CYP26B1: variants seen among roughly 807,000 people sequenced by gnomAD.
CYP26B1 encodes cytochrome P450 26B1.
Under a neutral mutation model 39.1 loss-of-function variants are expected in CYP26B1, and 8 were observed. That is an observed-to-expected ratio of 0.20 (90% CI 0.12 to 0.37). The LOEUF is 0.37. CYP26B1 is among the 10% of genes least tolerant of loss of function. The pLI is 1.00. For missense variants in CYP26B1, 615 were observed against 707.0 expected (o/e 0.87, Z 1.48); for synonymous variants, 321 against 314.3 (o/e 1.02, Z -0.23).
intron 1 of CYP26B1, among the ~76,000 whole-genome samples, chr2:72,146,447 A>G (rs1677126445): frequency 6.6e-6 from 1 of 152,154 alleles, no homozygotes; most frequent in African/African-American, 2.4e-5. Context: ...CTAATCCGGG[A>G]CGTGGAAAGA....
At position 72,138,998 on chromosome 2, in the gene CYP26B1, A is replaced by G. The variant is rs541219063; in HGVS notation, c.430-3579T>C. ...CCTGCCTCTCACCCCGTGCCCTGGG[A>G]GGGGAGTTGCTCTGTGAACCCCATG... On this transcript the variant is annotated intron_variant, in intron 2 of 5. Transcript: ENST00000001146. Among the ~76,000 whole-genome samples, 479 of 152,254 alleles carry G rather than the reference A, an allele frequency of 3.1e-3. 2 individuals are homozygous for G. The highest frequency in any genetic ancestry group is 0.011 in the African/African-American group (454 of 41,550).
intron 2 of CYP26B1, among the ~76,000 whole-genome samples, chr2:72,137,758 GAGA>G (rs989746909): frequency 2.0e-5 from 3 of 152,194 alleles, no homozygotes; most frequent in Admixed American, 6.5e-5. Flanking sequence ...ACTGGACTGA[GAGA>G]AGGACTCCAA....
In CYP26B1 at chr2:72,132,239, G is replaced by T; in HGVS notation, c.1527C>A (p.Ser509Arg). The change falls in exon 6 of 6, where the codon AGC (serine) becomes AGA (arginine). Residue 509 changes from serine (S) to arginine (R), a missense_variant. Ser to Arg is a moderately radical substitution (Grantham distance 110). Transcript: ENST00000001146. ...EILPETEAML[S>R]ATV Reference sequence around the variant, plus strand: ...GGTGGGTCTTGGGTTAGACTGTGGCGCTCAGCATGGCCTCCGTCTCCGGCA... The same window carrying T: ...GGTGGGTCTTGGGTTAGACTGTGGCTCTCAGCATGGCCTCCGTCTCCGGCA... The T allele has an allele frequency of 6.2e-7, 1 of 1,601,188 alleles. No individual in the cohort carries two copies.
At chr2:72,137,466 C>T (rs1325270020) in intron 2 of CYP26B1, among the ~76,000 whole-genome samples, 1 of 152,204 alleles carries the variant, frequency 6.6e-6, no homozygotes, top group African/African-American at 2.4e-5. Flanking sequence ...CTGCCCAGAA[C>T]TTGGCAATGC....
Position 72,147,772 on chromosome 2 carries a change from G to A in CYP26B1, c.63C>T (p.Ser21=). 1 of 1,577,920 alleles carries A rather than the reference G, an allele frequency of 6.3e-7. No homozygotes were observed. The highest frequency in any genetic ancestry group is 8.6e-7 in the Non-Finnish European group (1 of 1,162,986). ...ALATLAACLV[S]VTLLLAVSQQ... ...GCGACACGGCCAGCAGCAGCGTCACGGACACCAGGCACGCGGCGAGGGTGG... is the reference window on the plus strand; with the variant it reads ...GCGACACGGCCAGCAGCAGCGTCACAGACACCAGGCACGCGGCGAGGGTGG... The change falls in exon 1 of 6, where the codon TCC becomes TCT. Residue 21 remains serine (S), a synonymous_variant. Coordinates refer to ENST00000001146, the MANE Select transcript of CYP26B1 (RefSeq NM_019885.4). This position sits in a 1 kb window ranked among gnomAD's most constrained non-coding sequence, Gnocchi z 6.1.
intron 5 of CYP26B1, 98 bp downstream of exon 5, chr2:72,132,925 G>A: frequency 1.3e-6 from 2 of 1,568,722 alleles, no homozygotes; most frequent in Non-Finnish European, 1.7e-6. Flanking sequence ...TTCCCCATCA[G>A]GCCTGAAGTC....
chr2:72,143,629 C>G (rs998064361), intron 2 of CYP26B1, among the ~76,000 whole-genome samples: 2 of 152,252 alleles, frequency 1.3e-5, no homozygotes, highest in African/African-American at 4.8e-5. Context: ...TCGGAATTCC[C>G]TGGGAAACGT....
rs1334593497 is a variant in CYP26B1, at chr2:72,144,199, C to G, written c.219G>C (p.Gln73His). ...GHWLLQGSGF[Q>H]SSRREKYGNV... ...TGCCATACTTCTCCCTCCGCGACGA[C>G]TGGAAGCCAGAACCCTGCGGGAGCC... Residue 73 changes from glutamine to histidine, a missense_variant, in exon 2 of 6, where the codon CAG (glutamine) becomes CAC (histidine). By Grantham distance (24) the Gln-to-His change is conservative (BLOSUM62 0). Coordinates refer to ENST00000001146, the MANE Select transcript of CYP26B1 (RefSeq NM_019885.4). 6.3e-7 allele frequency: 1 copy of G among 1,594,138 alleles called. No homozygotes were observed. The highest frequency in any genetic ancestry group is 1.1e-5 in the South Asian group (1 of 89,170).
At chr2:72,144,537 C>A (rs1226553221) in intron 1 of CYP26B1, 22 of 1,128,530 alleles carry the variant, frequency 1.9e-5, no homozygotes, top group Middle Eastern at 7.3e-4. Context: ...CCCCCACCCC[C>A]ACACCCCCAC....
At chr2:72,141,825 T>C (rs1435071365) in intron 2 of CYP26B1, among the ~76,000 whole-genome samples, 1 of 152,208 alleles carries the variant, frequency 6.6e-6, no homozygotes, top group Non-Finnish European at 1.5e-5. Context: ...TTAGGGAGAT[T>C]TGGGGGGAAG....
intron 4 of CYP26B1, 95 bp downstream of exon 4, chr2:72,134,666 G>A (rs1362774178): frequency 1.3e-6 from 2 of 1,527,534 alleles, no homozygotes; most frequent in Admixed American, 2.0e-5. Flanking sequence ...CAGACTACAG[G>A]GGGTAGAAAT....
At chr2:72,137,702 A>G (rs1314780143) in intron 2 of CYP26B1, among the ~76,000 whole-genome samples, 1 of 152,188 alleles carries the variant, frequency 6.6e-6, no homozygotes, top group African/African-American at 2.4e-5. Flanking sequence ...CCTAGAGGGC[A>G]GGCAGGAGCA....
chr2:72,143,374 G>A (rs1002665026), intron 2 of CYP26B1, among the ~76,000 whole-genome samples: 4 of 152,106 alleles, frequency 2.6e-5, no homozygotes, highest in African/African-American at 7.2e-5. Context: ...CCTCTTTCGG[G>A]GGGGGGTGGG....
At chr2:72,134,957 T>C in intron 3 of CYP26B1, 41 bp from the exon 4 acceptor site, 1 of 1,610,686 alleles carries the variant, frequency 6.2e-7, no homozygotes, top group South Asian at 1.1e-5. Flanking sequence ...AAGGGCAGGC[T>C]CCCATCTGAG....
intron 2 of CYP26B1, among the ~76,000 whole-genome samples, chr2:72,137,932 G>A (rs554166862): frequency 1.2e-4 from 19 of 152,306 alleles, no homozygotes; most frequent in African/African-American, 3.6e-4. Context: ...TGTCTTGGCC[G>A]GCGTCTGACT....
rs1050188057 is a variant in CYP26B1, at chr2:72,144,406, T to C, written c.205-193A>G. 4 of 1,391,570 alleles carry C rather than the reference T, an allele frequency of 2.9e-6. No individual in the cohort carries two copies. In the African/African-American group the frequency reaches 5.8e-5, roughly 20 times the overall value. 86.2% of individuals were successfully genotyped at this position (1,391,570 alleles called of 1,614,324 possible). On this transcript the variant is annotated intron_variant, in intron 1 of 5. Coordinates refer to ENST00000001146, the MANE Select transcript of CYP26B1 (RefSeq NM_019885.4). Reference sequence around the variant, plus strand: ...CTGCGAAGTAGGGCCTAGAGGATAATAAATAATGCAAGGAGGCGGAGGCCC... The same window carrying C: ...CTGCGAAGTAGGGCCTAGAGGATAACAAATAATGCAAGGAGGCGGAGGCCC...
In CYP26B1 at chr2:72,147,497, A is replaced by T; in HGVS notation, c.204+134T>A. Reference sequence around the variant, plus strand: ...CTGGGGAAGCCCGGGCTGCTGCGGCAGAGAGGAGGGAAGGGGCGGGGCGGG... The same window carrying T: ...CTGGGGAAGCCCGGGCTGCTGCGGCTGAGAGGAGGGAAGGGGCGGGGCGGG... On this transcript the variant is annotated intron_variant, in intron 1 of 5. Coordinates refer to ENST00000001146, the MANE Select transcript of CYP26B1 (RefSeq NM_019885.4). The surrounding 1 kb of genome is among the most constrained non-coding windows in gnomAD (Gnocchi z 6.1). 1.1e-6 allele frequency: 1 copy of T among 895,440 alleles called. No homozygotes were observed. Among genetic ancestry groups the T allele is most frequent in the Non-Finnish European group, 1.6e-6 (1 of 639,632 alleles). 55.5% of individuals were successfully genotyped at this position (895,440 alleles called of 1,614,324 possible). A position where few individuals can be genotyped will look rare whatever the true frequency, so the allele number is the denominator to read the frequency against.
Position 72,132,278 on chromosome 2 carries a change from G to A in CYP26B1, c.1488C>T (p.Asn496=), listed in dbSNP as rs1487581025. 2 of 1,605,754 alleles carry A rather than the reference G, an allele frequency of 1.2e-6. No homozygotes were observed. The highest frequency in any genetic ancestry group is 2.7e-5 in the African/African-American group (2 of 74,852). Residue 496 remains asparagine, a synonymous_variant, in exon 6 of 6, where the codon AAC becomes AAT. Coordinates refer to ENST00000001146, the MANE Select transcript of CYP26B1 (RefSeq NM_019885.4). ...LSVKFFGLDS[N]QNEILPETEA... ...CCGTCTCCGGCAGGATCTCGTTCTGGTTGGAGTCCAGGCCAAAGAACTTGA... is the reference window on the plus strand; with the variant it reads ...CCGTCTCCGGCAGGATCTCGTTCTGATTGGAGTCCAGGCCAAAGAACTTGA...
chr2:72,132,512 G>C lies in CYP26B1; in HGVS notation c.1254C>G (p.Ser418Arg). 2 of 1,611,732 alleles carry C rather than the reference G, an allele frequency of 1.2e-6. No individual in the cohort carries two copies. Among genetic ancestry groups the C allele is most frequent in the Non-Finnish European group, 1.7e-6 (2 of 1,178,498 alleles). ...CATCCTTGTCCTCGCTCCGCGCCTG[G>C]CTGAAGCGATCGGGGTCGAACACGT... is the stretch of plus-strand genomic sequence containing the variant. ...DVNVFDPDRF[S>R]QARSEDKDGR... Residue 418 changes from serine (S) to arginine (R), a missense_variant, in exon 6 of 6, where the codon AGC becomes AGG. Transcript: ENST00000001146.
Sources: allele counts gnomAD v4.1 joint callset (sites outside exome capture counted in the v4.1 genomes callset), GRCh38; gene constraint gnomAD v4.1.1; non-coding constraint Gnocchi (gnomAD v3.1); transcripts MANE v1.5; gene names NCBI Gene and HGNC (gene_info 2026-07-23, HGNC 2026-07-21).